USH2A: variants seen among roughly 807,000 people sequenced by gnomAD.
The protein encoded by USH2A is Usher syndrome 2A (autosomal recessive, mild).
USH2A carries 443 observed loss-of-function variants against 538.9 expected under a neutral mutation model. That is an observed-to-expected ratio of 0.82 (90% CI 0.76 to 0.89). The LOEUF is 0.89. Ranked by LOEUF, USH2A falls within the 40% of genes least tolerant of loss-of-function variation. The probability of loss-of-function intolerance (pLI) is 0.00; values close to 1 mark genes in which losing one functional copy is unlikely to be tolerated. For synonymous variants in USH2A, 2,413 were observed against 2,273.5 expected (o/e 1.06, Z -1.75); for missense variants, 6,633 against 6,324.8 (o/e 1.05, Z -1.65).
intron 37 of USH2A, among the ~76,000 whole-genome samples, chr1:215,938,330 AT>A (rs1247824427): frequency 2.0e-5 from 3 of 152,010 alleles, no homozygotes; most frequent in African/African-American, 7.2e-5. Context: ...GGATCCACAG[AT>A]TTTAGCTCTT....
At chr1:215,715,450 AC>A (rs1478102576) in intron 61 of USH2A, among the ~76,000 whole-genome samples, 1 of 152,180 alleles carries the variant, frequency 6.6e-6, no homozygotes, top group African/African-American at 2.4e-5. Context: ...GGGTTGTGGT[AC>A]CAGATGTGTA....
chr1:215,626,288 G>GTATATATACACTA lies in USH2A; in HGVS notation c.15520-431_15520-419dup, dbSNP rs199780327. On this transcript the variant is annotated intron_variant, in intron 71 of 71. Transcript: ENST00000307340. ...ACATATATATACTATATATTTTAGT[G>GTATATATACACTA]TATATATACACTATATATATATATG... is the stretch of plus-strand genomic sequence containing the variant. Among the ~76,000 whole-genome samples the GTATATATACACTA allele has an allele frequency of 6.0e-3, 892 of 149,160 alleles. 22 individuals carry two copies. The South Asian group carries it at 0.07, about 12-fold the overall frequency.
At chr1:216,149,736 T>A (rs2033794855) in intron 21 of USH2A, among the ~76,000 whole-genome samples, 2 of 152,076 alleles carry the variant, frequency 1.3e-5, no homozygotes, top group Non-Finnish European at 2.9e-5. Context: ...TCCCCAGCCA[T>A]ATGAAGACAA....
At chr1:215,872,625 G>C (rs1664653323) in intron 43 of USH2A, among the ~76,000 whole-genome samples, 1 of 152,042 alleles carries the variant, frequency 6.6e-6, no homozygotes, top group African/African-American at 2.4e-5. Context: ...CATCCTTCTG[G>C]ATTTAGAAGT....
At chr1:216,013,133 A>G (rs1172865315) in intron 32 of USH2A, among the ~76,000 whole-genome samples, 1 of 152,160 alleles carries the variant, frequency 6.6e-6, no homozygotes, top group Non-Finnish European at 1.5e-5. Context: ...GAGTCGTCCC[A>G]ATACTTAGAC....
At chr1:216,155,676 C>T (rs1000674346) in intron 21 of USH2A, among the ~76,000 whole-genome samples, 1 of 152,146 alleles carries the variant, frequency 6.6e-6, no homozygotes, top group African/African-American at 2.4e-5. Flanking sequence ...TTCCACTTGG[C>T]TGGCTTGGCT....
intron 41 of USH2A, among the ~76,000 whole-genome samples, chr1:215,886,896 C>T (rs1224740213): frequency 6.6e-6 from 1 of 151,978 alleles, no homozygotes; most frequent in Non-Finnish European, 1.5e-5. Flanking sequence ...CTCGCTCTGT[C>T]GCCCAGGCTG....
At chr1:215,661,523 C>T (rs1006008905) in intron 64 of USH2A, among the ~76,000 whole-genome samples, 7 of 152,118 alleles carry the variant, frequency 4.6e-5, no homozygotes, top group African/African-American at 1.7e-4. Flanking sequence ...CATAAATAGC[C>T]TCTTCATTAA....
chr1:215,742,729 G>A (rs1660340373), intron 59 of USH2A, among the ~76,000 whole-genome samples: 1 of 152,100 alleles, frequency 6.6e-6, no homozygotes, highest in Non-Finnish European at 1.5e-5. Context: ...TATGAATAGG[G>A]TTCAAGGAAG....
chr1:215,679,037 C>T (rs1018015217), intron 62 of USH2A, among the ~76,000 whole-genome samples: 2 of 152,182 alleles, frequency 1.3e-5, no homozygotes, highest in African/African-American at 4.8e-5. Context: ...AGGCTCAAGC[C>T]TCTTGCCCCA....
Position 216,088,500 on chromosome 1 carries a change from C to A in USH2A, c.4885+513G>T, listed in dbSNP as rs575025313. Among the ~76,000 whole-genome samples the A allele has an allele frequency of 2.0e-5, 3 of 152,214 alleles. No individual in the cohort carries two copies. In the South Asian group the frequency reaches 6.2e-4, roughly 32 times the overall value. ...TTTAATAAAAGCCTGCATCATTATACAGGTACAGTGATCATGTTATAATTA... is the reference window on the plus strand; with the variant it reads ...TTTAATAAAAGCCTGCATCATTATAAAGGTACAGTGATCATGTTATAATTA... On this transcript the variant is annotated intron_variant, in intron 23 of 71. Transcript: ENST00000307340.
intron 30 of USH2A, among the ~76,000 whole-genome samples, chr1:216,057,309 A>G (rs1453000116): frequency 6.6e-6 from 1 of 152,034 alleles, no homozygotes; most frequent in African/African-American, 2.4e-5. Context: ...TATTTTTACT[A>G]TTTATGTCAT....
intron 31 of USH2A, 106 bp downstream of exon 31, chr1:216,048,428 A>G: frequency 8.6e-7 from 1 of 1,162,372 alleles, no homozygotes; most frequent in Admixed American, 1.8e-5. Flanking sequence ...TTGTCATCAA[A>G]TTAGGTTGGG....
chr1:215,630,021 C>T (rs939892310), intron 70 of USH2A: 21 of 477,888 alleles, frequency 4.4e-5, no homozygotes, highest in Admixed American at 1.3e-4. Context: ...GTGATCCGCC[C>T]GCCTCGGCCT....
chr1:216,413,806 G>C (rs2039532511), intron 3 of USH2A, among the ~76,000 whole-genome samples: 1 of 152,064 alleles, frequency 6.6e-6, no homozygotes, highest in South Asian at 2.1e-4. Flanking sequence ...TATTTCATCA[G>C]CTTCAAATCG....
At chr1:216,090,315 C>A (rs1404780624) in intron 22 of USH2A, among the ~76,000 whole-genome samples, 1 of 151,158 alleles carries the variant, frequency 6.6e-6, no homozygotes, top group Admixed American at 6.6e-5. Flanking sequence ...GTTTATCTTT[C>A]TCTGAAATGG....
chr1:216,073,237 A>C lies in USH2A; in HGVS notation c.5636T>G (p.Val1879Gly). 6.2e-7 allele frequency: 1 copy of C among 1,613,924 alleles called. No individual in the cohort carries two copies. Among genetic ancestry groups the C allele is most frequent in the Non-Finnish European group, 8.5e-7 (1 of 1,179,946 alleles). ...ATTGACTCTGACAGCACCGCTGGAC[A>C]CAGATGCCAAGTTAACGACAGCACC... ...TRGAVVNLAS[V>G]SSGAVRVNLD... The change falls in exon 28 of 72, where the codon GTG becomes GGG. Residue 1879 changes from valine (V) to glycine (G), a missense_variant. Coordinates refer to ENST00000307340, the MANE Select transcript of USH2A (RefSeq NM_206933.4).
At position 216,175,252 on chromosome 1, in the gene USH2A, C is replaced by T. The variant is rs2102640869; in HGVS notation, c.4627G>A (p.Gly1543Ser). Residue 1543 changes from glycine to serine, a missense_variant and splice_region_variant, in exon 21 of 72, where the codon GGC (glycine) becomes AGC (serine). Gly to Ser is a moderately conservative substitution (Grantham distance 56). Coordinates refer to ENST00000307340, the MANE Select transcript of USH2A (RefSeq NM_206933.4). Reference sequence around the variant, plus strand: ...ATAAAGCAATGTCAAACACACTTACCAGTGAAGTCTGTATTGACTGGGTGA... The same window carrying T: ...ATAAAGCAATGTCAAACACACTTACTAGTGAAGTCTGTATTGACTGGGTGA... ...STHPVNTDFT[G>S]IKASFRTKVP... 3 of 1,613,582 alleles carry T rather than the reference C, an allele frequency of 1.9e-6. No individual in the cohort carries two copies. The highest frequency in any genetic ancestry group is 1.1e-5 in the South Asian group (1 of 91,066).
At chr1:216,139,939 T>C (rs2033569172) in intron 21 of USH2A, among the ~76,000 whole-genome samples, 1 of 152,160 alleles carries the variant, frequency 6.6e-6, no homozygotes, top group Non-Finnish European at 1.5e-5. Flanking sequence ...AGCATGAAAA[T>C]CTTGTGTTAG....
Sources: gnomAD v4.1 joint callset for allele counts (sites outside exome capture counted in the v4.1 genomes callset) on GRCh38, gnomAD v4.1.1 for gene constraint, MANE v1.5 for transcripts, NCBI Gene and HGNC (gene_info 2026-07-23, HGNC 2026-07-21) for gene names.